RIMS2: variants seen among roughly 807,000 people sequenced by gnomAD.
RIMS2 encodes the protein regulating synaptic membrane exocytosis protein 2.
In RIMS2, 59 loss-of-function variants were observed where a neutral mutation model predicts 174.4. That is an observed-to-expected ratio of 0.34 (90% confidence interval 0.27 to 0.42). The LOEUF (loss-of-function observed/expected upper bound fraction) is 0.42, where lower values mean the gene tolerates loss of function less well. Among genes scored for constraint, RIMS2 ranks in the 10% least tolerant of loss-of-function variants. The pLI, the probability that RIMS2 is intolerant of heterozygous loss-of-function variation, is 1.00. For missense variants in RIMS2, 1,620 were observed against 1,666.3 expected, an observed-to-expected ratio of 0.97 and a Z score of 0.48; for synonymous variants, 606 against 572.5, an observed-to-expected ratio of 1.06 and a Z score of -0.84.
At chr8:103,781,465 A>T (rs1397559286) in intron 3 of RIMS2, among the ~76,000 whole-genome samples, 1 of 152,190 alleles carries the variant, frequency 6.6e-6, no homozygotes, top group East Asian at 1.9e-4. Flanking sequence ...AGTAAAGTTA[A>T]AATTATTTTT....
rs1459771008 is a variant in RIMS2 at position 103,662,735 on chromosome 8, T to C, written c.177-34351T>C. 5.9e-5 allele frequency among the ~76,000 whole-genome samples: 9 copies of C among 152,284 alleles called. No individual in the cohort carries two copies. The East Asian group carries it at 1.5e-3, about 26-fold the overall frequency. On this transcript the variant is annotated intron_variant, in intron 1 of 23. Coordinates refer to ENST00000504942, the Ensembl canonical transcript of RIMS2. ...CTATCTATCTATAGTCTTATAAATA[T>C]AGTCATTCTCTAGTGTCAATAACAA... is the stretch of plus-strand genomic sequence containing the variant.
At chr8:104,139,857 C>A (rs187866587) in intron 19 of RIMS2, among the ~76,000 whole-genome samples, 1 of 152,230 alleles carries the variant, frequency 6.6e-6, no homozygotes, top group African/African-American at 2.4e-5. Flanking sequence ...GCAGGAAAGG[C>A]TTTCAGCTTT....
At chr8:104,255,020 A>G (rs1021560812), downstream of RIMS2, 5 of 152,164 alleles carry the variant, frequency 3.3e-5, no homozygotes, top group African/African-American at 1.2e-4. Flanking sequence ...GAAACCCTGC[A>G]GAGTTCTCAT....
intron 19 of RIMS2, among the ~76,000 whole-genome samples, chr8:104,161,518 C>T (rs898451369): frequency 2.0e-5 from 3 of 152,044 alleles, no homozygotes; most frequent in Non-Finnish European, 2.9e-5. Flanking sequence ...GTCATGACAA[C>T]GTAAATTAGA....
intron 1 of RIMS2, among the ~76,000 whole-genome samples, chr8:103,584,787 T>C (rs1404394364): frequency 2.6e-5 from 4 of 152,074 alleles, no homozygotes; most frequent in Admixed American, 6.5e-5. Context: ...GAAAATCAAC[T>C]TCACTGGAGG....
At chr8:103,573,864 G>T (rs1003704204) in intron 1 of RIMS2, among the ~76,000 whole-genome samples, 7 of 152,066 alleles carry the variant, frequency 4.6e-5, no homozygotes, top group African/African-American at 1.7e-4. Flanking sequence ...CCATTTGTTT[G>T]TGTCCTCTGT....
chr8:104,254,145 C>T (rs140185293), downstream of RIMS2: 1 of 151,980 alleles, frequency 6.6e-6, no homozygotes, highest in East Asian at 1.9e-4. Context: ...ATAAGAAGGA[C>T]GTGACTACGG....
intron 1 of RIMS2, among the ~76,000 whole-genome samples, chr8:103,593,830 A>AG (rs2094371147): frequency 6.6e-6 from 1 of 151,372 alleles, no homozygotes; most frequent in Non-Finnish European, 1.5e-5. Flanking sequence ...CAATTTAAAA[A>AG]TAAATAGAAA....
intron 2 of RIMS2, among the ~76,000 whole-genome samples, chr8:103,751,066 G>A (rs2139719034): frequency 6.6e-6 from 1 of 152,128 alleles, no homozygotes; most frequent in East Asian, 1.9e-4. Flanking sequence ...ACTCCCATGT[G>A]AGATGGGCCT....
intron 14 of RIMS2, among the ~76,000 whole-genome samples, chr8:103,960,040 CG>C (rs147165143): frequency 0.13 from 19,293 of 151,958 alleles, 1,690 homozygotes; most frequent in Non-Finnish European, 0.19. Context: ...ACAAAAAACC[CG>C]TCAAAAAATC....
At chr8:104,109,139 T>C (rs1368440912) in intron 19 of RIMS2, among the ~76,000 whole-genome samples, 4 of 151,052 alleles carry the variant, frequency 2.6e-5, no homozygotes, top group Non-Finnish European at 4.4e-5. Context: ...CTACTAAAAA[T>C]ACAAAAAATT....
chr8:103,553,310 G>A, intron 1 of RIMS2, among the ~76,000 whole-genome samples: 1 of 152,078 alleles, frequency 6.6e-6, no homozygotes. Context: ...CATGGATGAA[G>A]CTGGAAACCA....
chr8:104,213,103 G>A (rs1403536200), intron 19 of RIMS2, among the ~76,000 whole-genome samples: 2 of 152,082 alleles, frequency 1.3e-5, no homozygotes, highest in Admixed American at 6.5e-5. Flanking sequence ...CCTGAGGTCA[G>A]GAGTTTGAGA....
intron 1 of RIMS2, among the ~76,000 whole-genome samples, chr8:103,538,312 T>C (rs1404083017): frequency 6.6e-6 from 1 of 152,194 alleles, no homozygotes; most frequent in Non-Finnish European, 1.5e-5. Flanking sequence ...TTCCTTATAT[T>C]CACCTTTTAT....
intron 1 of RIMS2, among the ~76,000 whole-genome samples, chr8:103,596,977 G>A (rs1220720210): frequency 1.3e-5 from 2 of 151,956 alleles, no homozygotes; most frequent in Non-Finnish European, 2.9e-5. Flanking sequence ...CATCAAAACA[G>A]CGCTGTTATT....
chr8:103,529,695 A>G (rs1211623900), intron 1 of RIMS2, among the ~76,000 whole-genome samples: 1 of 152,196 alleles, frequency 6.6e-6, no homozygotes. Flanking sequence ...GGAAATCCAG[A>G]AATCACCCAT....
intron 16 of RIMS2, among the ~76,000 whole-genome samples, chr8:103,982,702 C>T (rs903068404): frequency 9.9e-5 from 15 of 151,938 alleles, no homozygotes; most frequent in African/African-American, 3.4e-4. Context: ...ATTCAATATC[C>T]CTTCAAGATA....
At chr8:103,778,712 T>G (rs1168762535) in intron 3 of RIMS2, among the ~76,000 whole-genome samples, 1 of 152,202 alleles carries the variant, frequency 6.6e-6, no homozygotes, top group Non-Finnish European at 1.5e-5. Context: ...GCATTAAACA[T>G]GGGAGTGCAG....
chr8:104,029,350 C>T (rs2096334326), intron 19 of RIMS2, among the ~76,000 whole-genome samples: 1 of 152,154 alleles, frequency 6.6e-6, no homozygotes, highest in Non-Finnish European at 1.5e-5. Context: ...TACCCAGCCC[C>T]TATTCAACAT....
Sources: allele counts gnomAD v4.1 joint callset (sites outside exome capture counted in the v4.1 genomes callset), GRCh38; gene constraint gnomAD v4.1.1; transcripts MANE v1.5; gene names NCBI Gene and HGNC (gene_info 2026-07-23, HGNC 2026-07-21).